SARNP: variants seen among roughly 807,000 people sequenced by gnomAD.
SARNP encodes the protein SAP domain-containing ribonucleoprotein.
A neutral mutation model predicts 38.1 loss-of-function variants in SARNP; 5 were observed. The ratio of observed to expected loss-of-function variants is 0.13; its 90% CI spans 0.07 to 0.28. The LOEUF (loss-of-function observed/expected upper bound fraction) is 0.28. Among genes scored for constraint, SARNP ranks in the 10% least tolerant of loss-of-function variants. The probability of loss-of-function intolerance (pLI) is 1.00; values close to 1 mark genes in which losing one functional copy is unlikely to be tolerated. For missense variants in SARNP, 180 were observed against 243.9 expected (o/e 0.74, Z 1.75); for synonymous variants, 84 against 80.6 (o/e 1.04, Z -0.23).
intron 9 of SARNP, among the ~76,000 whole-genome samples, chr12:55,784,697 T>C (rs763899921): frequency 4.6e-5 from 7 of 152,192 alleles, no homozygotes; most frequent in Non-Finnish European, 7.4e-5. Flanking sequence ...TAGATATGAG[T>C]TGTCCGATAT....
rs201543367 is a variant in SARNP at position 55,760,596 on chromosome 12, C to T, written c.546G>A (p.Gly182=). The T allele has an allele frequency of 6.2e-7, 1 of 1,613,602 alleles. No individual in the cohort carries two copies. Among genetic ancestry groups the T allele is most frequent in the Non-Finnish European group, 8.5e-7 (1 of 1,179,574 alleles). ...EKLKKRKERF[G]IVTSSAGTGT... ...CAGTTCCAGCTGAACTTGTGACAAT[C>T]CCAAATCGCTCCTTCCTCTTTTTCA... Residue 182 remains glycine (G), a synonymous_variant, in exon 10 of 11, where the codon GGG becomes GGA. Coordinates refer to ENST00000336133, the MANE Select transcript of SARNP (RefSeq NM_033082.4).
intron 9 of SARNP, among the ~76,000 whole-genome samples, chr12:55,785,826 T>G (rs1592568640): frequency 6.6e-6 from 1 of 150,748 alleles, no homozygotes. Flanking sequence ...CAGGCTGGAG[T>G]GCAGTGTCAC....
chr12:55,810,810 C>T (rs750595523), intron 1 of SARNP, among the ~76,000 whole-genome samples: 2 of 151,752 alleles, frequency 1.3e-5, no homozygotes, highest in Admixed American at 6.6e-5. Context: ...GGCGCGGTGG[C>T]TCACGCCTGT....
chr12:55,794,503 A>T (rs1364675330), intron 6 of SARNP, 116 bp from the exon 7 acceptor site: 3 of 909,096 alleles, frequency 3.3e-6, no homozygotes, highest in Non-Finnish European at 5.3e-6. Flanking sequence ...CCTTGCAATC[A>T]TTAGCTAATT....
chr12:55,771,082 C>A (rs976651629), intron 9 of SARNP, among the ~76,000 whole-genome samples: 1 of 152,060 alleles, frequency 6.6e-6, no homozygotes, highest in South Asian at 2.1e-4. Context: ...GGATTACAGG[C>A]GCATGCCACC....
chr12:55,779,923 G>A (rs1363821785), intron 9 of SARNP, among the ~76,000 whole-genome samples: 2 of 152,164 alleles, frequency 1.3e-5, no homozygotes, highest in Admixed American at 1.3e-4. Context: ...AAGGCGGGAG[G>A]ATCACTTGAG....
At chr12:55,787,300 G>C (rs907925759) in intron 9 of SARNP, among the ~76,000 whole-genome samples, 2 of 150,914 alleles carry the variant, frequency 1.3e-5, no homozygotes, top group Non-Finnish European at 2.9e-5. Context: ...TTGTGCACAA[G>C]TGTTCCATAG....
chr12:55,794,392 A>C lies in SARNP; in HGVS notation c.378-5T>G, dbSNP rs748263918. ...GGAACTGAAGAAATCCCAAACCTGA[A>C]GAAGGAAAAACAAACTAAATTTTAG... On this transcript the variant is annotated splice_region_variant and splice_polypyrimidine_tract_variant and intron_variant, in intron 6 of 10. Transcript: ENST00000336133. 3 of 1,606,534 alleles carry C rather than the reference A, an allele frequency of 1.9e-6. No homozygotes were observed. Among genetic ancestry groups the C allele is most frequent in the Non-Finnish European group, 2.5e-6 (3 of 1,178,250 alleles).
intron 9 of SARNP, among the ~76,000 whole-genome samples, chr12:55,766,793 T>G (rs751932251): frequency 2.0e-5 from 3 of 152,104 alleles, no homozygotes; most frequent in Non-Finnish European, 4.4e-5. Context: ...CAACTAATTT[T>G]TGTTTTTTTG....
chr12:55,791,709 GAA>G (rs890977978), intron 7 of SARNP, among the ~76,000 whole-genome samples: 4 of 151,402 alleles, frequency 2.6e-5, no homozygotes, highest in Non-Finnish European at 5.9e-5. Flanking sequence ...AAGAAAAAAA[GAA>G]AAAAAGAGAA....
chr12:55,785,606 T>TC (rs1244927895), intron 9 of SARNP, among the ~76,000 whole-genome samples: 2 of 151,602 alleles, frequency 1.3e-5, no homozygotes, highest in Non-Finnish European at 2.9e-5. Flanking sequence ...AGAAAATCCA[T>TC]CTCTACTAAA....
At chr12:55,805,030 G>T (rs1302470733) in intron 1 of SARNP, among the ~76,000 whole-genome samples, 1 of 150,314 alleles carries the variant, frequency 6.7e-6, no homozygotes, top group African/African-American at 2.4e-5. Context: ...TTGGGAGGCC[G>T]AGGCGAGTGG....
At chr12:55,774,575 C>G (rs12311181) in intron 9 of SARNP, among the ~76,000 whole-genome samples, 1 of 41,216 alleles carries the variant, frequency 2.4e-5, no homozygotes, top group African/African-American at 1.3e-4. Flanking sequence ...AAAAAAAAAA[C>G]AAACAAAAAA....
At chr12:55,763,139 C>A (rs1878725221) in intron 9 of SARNP, among the ~76,000 whole-genome samples, 1 of 152,178 alleles carries the variant, frequency 6.6e-6, no homozygotes, top group South Asian at 2.1e-4. Context: ...CATTAATGTA[C>A]TCTGAACTAT....
chr12:55,754,292 TTTTACAA>T (rs1878434553), downstream of SARNP: 1 of 152,246 alleles, frequency 6.6e-6, no homozygotes. Context: ...CAAGATGACT[TTTTACAA>T]GTCTTTTCTT....
intron 2 of SARNP, among the ~76,000 whole-genome samples, chr12:55,802,925 T>TAA (rs755202709): frequency 1.7e-4 from 24 of 137,158 alleles, no homozygotes; most frequent in Non-Finnish European, 3.0e-4. Flanking sequence ...GACGCATCTT[T>TAA]AAAAAAAAAA....
chr12:55,776,791 T>C (rs1282435718), intron 9 of SARNP, among the ~76,000 whole-genome samples: 2 of 152,226 alleles, frequency 1.3e-5, no homozygotes, highest in Non-Finnish European at 2.9e-5. Flanking sequence ...ATTTACCTTA[T>C]GTACTAAGAG....
At chr12:55,801,011 A>G (rs369706303) in intron 2 of SARNP, 111 bp from the exon 3 acceptor site, 1 of 834,206 alleles carries the variant, frequency 1.2e-6, no homozygotes, top group Non-Finnish European at 2.0e-6. Flanking sequence ...CCAACAGTGA[A>G]GGCAGAAACT....
At position 55,766,627 on chromosome 12, in the gene SARNP, G is replaced by C. The variant is rs966939497; in HGVS notation, c.502-5987C>G. On this transcript the variant is annotated intron_variant, in intron 9 of 10. Coordinates refer to ENST00000336133, the MANE Select transcript of SARNP (RefSeq NM_033082.4). Reference sequence around the variant, plus strand: ...GTGGGTTTTTTTGGCGGGGGGGGGGGGGGGGTTGTTTTTTTGAGACAGTCT... The same window carrying C: ...GTGGGTTTTTTTGGCGGGGGGGGGGCGGGGGTTGTTTTTTTGAGACAGTCT... 7.1e-5 allele frequency among the ~76,000 whole-genome samples: 9 copies of C among 126,696 alleles called. 1 individual carries two copies. The highest frequency in any genetic ancestry group is 2.6e-4 in the African/African-American group (9 of 33,994). The allele number at this position is 126,696 out of a possible 152,430, so 83.1% of individuals were successfully genotyped here.
Sources: allele counts gnomAD v4.1 joint callset (sites outside exome capture counted in the v4.1 genomes callset), GRCh38; gene constraint gnomAD v4.1.1; transcripts MANE v1.5; gene names NCBI Gene and HGNC (gene_info 2026-07-23, HGNC 2026-07-21).